Variants in RBM47 observed in about 807,000 individuals in gnomAD.
RBM47 encodes RNA binding motif protein 47, also known as RNA-binding protein 47.
In RBM47, 21 loss-of-function variants were observed where a neutral mutation model predicts 47.1. The ratio of observed to expected loss-of-function variants is 0.45; its 90% CI spans 0.32 to 0.64. The LOEUF is 0.64. Ranked by LOEUF, RBM47 falls within the 30% of genes least tolerant of loss-of-function variation. The probability of loss-of-function intolerance (pLI) is 0.05; values close to 1 mark genes in which losing one functional copy is unlikely to be tolerated. For missense variants in RBM47, 708 were observed against 870.9 expected, an observed-to-expected ratio of 0.81 and a Z score of 2.35; for synonymous variants, 375 against 361.7, an observed-to-expected ratio of 1.04 and a Z score of -0.42.
intron 2 of RBM47, among the ~76,000 whole-genome samples, chr4:40,514,305 G>A (rs894198918): frequency 1.3e-5 from 2 of 151,960 alleles, no homozygotes; most frequent in African/African-American, 4.8e-5. Flanking sequence ...TTACACACAT[G>A]TCCCTCTAGC....
chr4:40,501,447 G>A (rs1723347612), intron 2 of RBM47, among the ~76,000 whole-genome samples: 1 of 152,164 alleles, frequency 6.6e-6, no homozygotes, highest in African/African-American at 2.4e-5. Flanking sequence ...AAGCATCTAG[G>A]CCAGTGCCAT....
chr4:40,525,073 C>T (rs1270327313), intron 2 of RBM47, among the ~76,000 whole-genome samples: 2 of 152,096 alleles, frequency 1.3e-5, no homozygotes, highest in Non-Finnish European at 2.9e-5. Flanking sequence ...TTTGCAAATA[C>T]AAAAATGAAT....
intron 2 of RBM47, 190 bp downstream of exon 2, chr4:40,544,232 C>T (rs1394862537): frequency 2.0e-5 from 3 of 152,150 alleles, no homozygotes. Context: ...GACATTTGTG[C>T]TTACAAACAT....
chr4:40,600,482 A>AT (rs1241265986), intron 1 of RBM47, among the ~76,000 whole-genome samples: 1 of 150,798 alleles, frequency 6.6e-6, no homozygotes, highest in East Asian at 2.0e-4. Flanking sequence ...AAAATACAAA[A>AT]AATTAGCCGG....
chr4:40,473,346 C>T (rs913029075), intron 2 of RBM47, among the ~76,000 whole-genome samples: 1 of 152,164 alleles, frequency 6.6e-6, no homozygotes, highest in Non-Finnish European at 1.5e-5. Flanking sequence ...CCCAGGCCTT[C>T]TATGGAAGAA....
intron 2 of RBM47, among the ~76,000 whole-genome samples, chr4:40,515,549 A>G (rs1187195091): frequency 6.6e-6 from 1 of 152,182 alleles, no homozygotes; most frequent in Non-Finnish European, 1.5e-5. Context: ...CACTCCTCCA[A>G]TCCCCAAGAG....
At chr4:40,452,403 T>C (rs1577668654) in intron 3 of RBM47, among the ~76,000 whole-genome samples, 1 of 152,248 alleles carries the variant, frequency 6.6e-6, no homozygotes, top group East Asian at 1.9e-4. Flanking sequence ...GACTAGGAAG[T>C]TCAGGCTGAG....
Position 40,424,019 on chromosome 4 carries a change from T to G in RBM47, c.*1885A>C, listed in dbSNP as rs2154206889. 1 of 152,348 alleles carries G rather than the reference T, an allele frequency of 6.6e-6. No individual in the cohort carries two copies. The highest frequency in any genetic ancestry group is 2.4e-5 in the African/African-American group (1 of 41,560). The allele number at this position is 152,348 out of a possible 1,614,324, so 9.4% of individuals were successfully genotyped here. Reference sequence around the variant, plus strand: ...TGATGGAAAGGAATGTTAGCGGTGCTTAAAGGCCTCAGTAGGCACTCAATA... The same window carrying G: ...TGATGGAAAGGAATGTTAGCGGTGCGTAAAGGCCTCAGTAGGCACTCAATA... On this transcript the variant is annotated 3_prime_UTR_variant, in exon 7 of 7. Coordinates refer to ENST00000295971, the MANE Select transcript of RBM47 (RefSeq NM_001098634.2).
chr4:40,579,590 G>A (rs959304371), intron 1 of RBM47, among the ~76,000 whole-genome samples: 24 of 151,872 alleles, frequency 1.6e-4, no homozygotes, highest in African/African-American at 5.3e-4. Context: ...CCTATTTTAG[G>A]GAGATGATAT....
intron 2 of RBM47, among the ~76,000 whole-genome samples, chr4:40,513,934 G>A (rs1293960742): frequency 2.6e-5 from 4 of 151,924 alleles, no homozygotes; most frequent in African/African-American, 4.8e-5. Context: ...GGCCAGGCTC[G>A]TCTCGAACTC....
At chr4:40,575,688 T>TCCA (rs1396964022) in intron 1 of RBM47, among the ~76,000 whole-genome samples, 1 of 152,206 alleles carries the variant, frequency 6.6e-6, no homozygotes, top group Non-Finnish European at 1.5e-5. Context: ...GGCTACTGTG[T>TCCA]GTCTGAGTGA....
chr4:40,620,219 A>G (rs944692859), intron 1 of RBM47, among the ~76,000 whole-genome samples: 55 of 140,776 alleles, frequency 3.9e-4, no homozygotes, highest in South Asian at 1.6e-3. Flanking sequence ...AAAAAAAAAA[A>G]ACTCTGGGCC....
intron 1 of RBM47, among the ~76,000 whole-genome samples, chr4:40,594,880 C>T (rs1047381752): frequency 2.0e-5 from 3 of 152,150 alleles, no homozygotes; most frequent in African/African-American, 4.8e-5. Flanking sequence ...TATTTTATTT[C>T]ATGGGCTCCT....
chr4:40,550,496 G>A (rs976049819), intron 1 of RBM47, among the ~76,000 whole-genome samples: 2 of 152,128 alleles, frequency 1.3e-5, no homozygotes, highest in African/African-American at 4.8e-5. Flanking sequence ...TCAGCTCACT[G>A]CAACCTCATC....
chr4:40,519,876 G>A (rs963918852), intron 2 of RBM47, among the ~76,000 whole-genome samples: 13 of 151,592 alleles, frequency 8.6e-5, no homozygotes, highest in African/African-American at 3.2e-4. Context: ...CACCATGTTG[G>A]CCAGGATGGT....
intron 2 of RBM47, among the ~76,000 whole-genome samples, chr4:40,503,038 C>T (rs899649290): frequency 1.3e-5 from 2 of 151,502 alleles, no homozygotes; most frequent in Admixed American, 1.3e-4. Context: ...ATTTGTTAAG[C>T]CTGGACAGAC....
chr4:40,619,008 C>G (rs1398274222), intron 1 of RBM47, among the ~76,000 whole-genome samples: 1 of 151,978 alleles, frequency 6.6e-6, no homozygotes, highest in Non-Finnish European at 1.5e-5. Context: ...TCCAGGCCAT[C>G]ACCACATCTT....
intron 1 of RBM47, among the ~76,000 whole-genome samples, chr4:40,610,630 A>G (rs1736182864): frequency 6.6e-6 from 1 of 151,240 alleles, no homozygotes; most frequent in African/African-American, 2.4e-5. Flanking sequence ...AAAAAAAAAA[A>G]AGAACAGGAC....
chr4:40,432,892 T>G, intron 5 of RBM47, 30 bp from the exon 6 acceptor site: 1 of 1,611,460 alleles, frequency 6.2e-7, no homozygotes, highest in Non-Finnish European at 8.5e-7. Context: ...GAAAAACAGG[T>G]CAATCACTTT....
Sources: allele counts gnomAD v4.1 joint callset (sites outside exome capture counted in the v4.1 genomes callset), GRCh38; gene constraint gnomAD v4.1.1; transcripts MANE v1.5; gene names NCBI Gene and HGNC (gene_info 2026-07-23, HGNC 2026-07-21).